The following CMPK2 variants were observed in gnomAD, a reference collection of about 807,000 sequenced individuals.
The protein encoded by CMPK2 is cytidine/uridine monophosphate kinase 2.
Under a neutral mutation model 33.4 loss-of-function variants are expected in CMPK2, and 32 were observed. That is an observed-to-expected ratio of 0.96 (90% CI 0.72 to 1.29). The LOEUF (loss-of-function observed/expected upper bound fraction) is 1.29, where lower values mean the gene tolerates loss of function less well. Among genes scored for constraint, CMPK2 ranks in the 50% most tolerant of loss-of-function variants. The pLI is 0.00. For missense variants in CMPK2, 672 were observed against 616.0 expected (o/e 1.09, Z -0.96); for synonymous variants, 299 against 275.3 (o/e 1.09, Z -0.85).
chr2:6,863,201 C>T (rs189907805), intron 2 of CMPK2, among the ~76,000 whole-genome samples: 3 of 152,270 alleles, frequency 2.0e-5, no homozygotes, highest in Non-Finnish European at 4.4e-5. Context: ...GCACTCCACC[C>T]GACAAAGCCC....
chr2:6,853,758 C>T (rs545213845), intron 3 of CMPK2, among the ~76,000 whole-genome samples: 26 of 152,068 alleles, frequency 1.7e-4, no homozygotes, highest in African/African-American at 5.3e-4. Flanking sequence ...AAAAATTAGC[C>T]GGGCGTGGTG....
upstream of CMPK2, chr2:6,865,999 G>A: frequency 3.0e-6 from 2 of 668,034 alleles, no homozygotes; most frequent in South Asian, 4.6e-5. Context: ...CCAGGCGCCG[G>A]CTCCCGGGGC....
rs762780591 is a variant in CMPK2, at chr2:6,861,191, C to T, written c.985G>A (p.Val329Ile). 4 of 1,613,266 alleles carry T rather than the reference C, an allele frequency of 2.5e-6. No homozygotes were observed. The highest frequency in any genetic ancestry group is 3.4e-6 in the Non-Finnish European group (4 of 1,179,402). ...AKESAKSPVI[V>I]DRYWHSTATY... is the part of the protein sequence containing the mutation. ...AGGCATCTTTATACCTACCTGTCTA[C>T]AATCACAGGAGATTTGGCAGATTCT... is the stretch of plus-strand genomic sequence containing the variant. The change falls in exon 3 of 5, where the codon GTA (valine) becomes ATA (isoleucine). Residue 329 changes from valine to isoleucine, a missense_variant. Coordinates refer to ENST00000256722, the MANE Select transcript of CMPK2 (RefSeq NM_207315.4).
chr2:6,841,441 T>A (rs1662231653), intron 3 of CMPK2, among the ~76,000 whole-genome samples: 1 of 152,212 alleles, frequency 6.6e-6, no homozygotes, highest in Non-Finnish European at 1.5e-5. Flanking sequence ...TTTGTTTGAC[T>A]GTTTTTGGTA....
intron 3 of CMPK2, among the ~76,000 whole-genome samples, chr2:6,857,287 C>T (rs1344794482): frequency 1.3e-5 from 2 of 150,760 alleles, no homozygotes; most frequent in Admixed American, 1.3e-4. Context: ...ATTTTTAAAG[C>T]TATTTTTTTC....
rs748552102 is a variant in CMPK2 at position 6,851,635 on chromosome 2, C to G, written c.1041G>C (p.Gly347=). ...ATYAIATEVS[G]GLQHLPPAHH... is the part of the protein sequence containing the mutation. ...GGGCTGGGGGCAGGTGCTGGAGACC[C>G]CCACTCACCTCAGTGGCTATGGCAT... is the stretch of plus-strand genomic sequence containing the variant. The change falls in exon 4 of 5, where the codon GGG becomes GGC. Residue 347 remains glycine (G), a synonymous_variant. Coordinates refer to ENST00000256722, the MANE Select transcript of CMPK2 (RefSeq NM_207315.4). 6.2e-7 allele frequency: 1 copy of G among 1,614,100 alleles called. No homozygotes were observed. Among genetic ancestry groups the G allele is most frequent in the East Asian group, 2.2e-5 (1 of 44,868 alleles).
At chr2:6,853,453 AAC>A (rs1662585682) in intron 3 of CMPK2, among the ~76,000 whole-genome samples, 1 of 152,172 alleles carries the variant, frequency 6.6e-6, no homozygotes, top group South Asian at 2.1e-4. Context: ...TCATCTGGAA[AAC>A]ACAGATCATG....
At chr2:6,850,781 G>A in intron 4 of CMPK2, 1 of 985,520 alleles carries the variant, frequency 1.0e-6, no homozygotes, top group Non-Finnish European at 1.2e-6. Flanking sequence ...TCATTGTTCA[G>A]TTAGAGAAAA....
upstream of CMPK2, chr2:6,865,909 C>A: frequency 7.1e-7 from 1 of 1,410,366 alleles, no homozygotes; most frequent in Non-Finnish European, 9.3e-7. Context: ...GCGAGATGTG[C>A]GCGATAAACG....
At chr2:6,864,208 G>GGA (rs1662975847) in intron 1 of CMPK2, 2 of 150,558 alleles carry the variant, frequency 1.3e-5, no homozygotes, top group South Asian at 4.2e-4. Flanking sequence ...AACTGGGGTG[G>GGA]GGGGGTGCTA....
intron 3 of CMPK2, among the ~76,000 whole-genome samples, chr2:6,842,065 T>C (rs1205876111): frequency 6.6e-6 from 1 of 152,202 alleles, no homozygotes; most frequent in East Asian, 1.9e-4. Context: ...CTTTTAATGA[T>C]GTCATCCAGG....
Position 6,851,667 on chromosome 2 carries a change from C to T in CMPK2, c.1009G>A (p.Ala337Thr). The change falls in exon 4 of 5, where the codon GCC (alanine) becomes ACC (threonine). Residue 337 changes from alanine to threonine, a missense_variant. Coordinates refer to ENST00000256722, the MANE Select transcript of CMPK2 (RefSeq NM_207315.4). ...ACCTCAGTGGCTATGGCATAGGTGG[C>T]CGTGCTGTGCCAGTACCTGAGAAGG... ...VIVDRYWHST[A>T]TYAIATEVSG... 6.2e-7 allele frequency: 1 copy of T among 1,614,070 alleles called. No individual in the cohort carries two copies.
intron 4 of CMPK2, 174 bp downstream of exon 4, chr2:6,851,276 A>G (rs1662512924): frequency 6.9e-7 from 1 of 1,444,286 alleles, no homozygotes; most frequent in Admixed American, 2.4e-5. Flanking sequence ...ACAATGCTGC[A>G]GCCCTGTGGT....
chr2:6,845,585 A>C (rs1000248419), downstream of CMPK2, among the ~76,000 whole-genome samples: 2 of 152,190 alleles, frequency 1.3e-5, no homozygotes, highest in African/African-American at 4.8e-5. Context: ...GCTCACCTGC[A>C]TAAGGCTCTA....
At chr2:6,859,636 C>T (rs1265137139) in intron 3 of CMPK2, among the ~76,000 whole-genome samples, 2 of 152,136 alleles carry the variant, frequency 1.3e-5, no homozygotes, top group Non-Finnish European at 2.9e-5. Context: ...ACACAGAAGT[C>T]AAGAATGGAG....
At chr2:6,850,637 C>T in intron 4 of CMPK2, 1 of 607,570 alleles carries the variant, frequency 1.6e-6, no homozygotes, top group Non-Finnish European at 2.1e-6. Context: ...AAAATGAAGA[C>T]TGAAACCGTA....
At chr2:6,853,839 T>C (rs1382381057) in intron 3 of CMPK2, among the ~76,000 whole-genome samples, 2 of 151,972 alleles carry the variant, frequency 1.3e-5, no homozygotes, top group Admixed American at 6.6e-5. Context: ...AAGGCAGAGC[T>C]TGCAGTGAGC....
At position 6,849,510 on chromosome 2, in the gene CMPK2, C is replaced by T; in HGVS notation, c.*340G>A. The T allele has an allele frequency of 9.6e-7, 1 of 1,045,328 alleles. No individual in the cohort carries two copies. Among genetic ancestry groups the T allele is most frequent in the Non-Finnish European group, 1.2e-6 (1 of 868,662 alleles). The allele number at this position is 1,045,328 out of a possible 1,614,324, so 64.8% of individuals were successfully genotyped here. A position where few individuals can be genotyped will look rare whatever the true frequency, so the allele number is the denominator to read the frequency against. ...CTGCTGATCTGGAAGATCTTGTCTG[C>T]TGCTTCTGTACACCTGGTGCTGTCT... On this transcript the variant is annotated 3_prime_UTR_variant, in exon 5 of 5. Transcript: ENST00000256722.
chr2:6,841,181 A>G (rs889280062), intron 3 of CMPK2, among the ~76,000 whole-genome samples: 4 of 152,134 alleles, frequency 2.6e-5, no homozygotes, highest in Non-Finnish European at 2.9e-5. Flanking sequence ...AAAACGAGGA[A>G]TTATTTCATT....
Sources: allele counts gnomAD v4.1 joint callset (sites outside exome capture counted in the v4.1 genomes callset), GRCh38; gene constraint gnomAD v4.1.1; transcripts MANE v1.5; gene names NCBI Gene and HGNC (gene_info 2026-07-23, HGNC 2026-07-21).